The following DIP2A variants were observed in gnomAD, a reference collection of about 807,000 sequenced individuals.
DIP2A encodes disco-interacting protein 2 homolog A.
In DIP2A, 85 loss-of-function variants were observed where a neutral mutation model predicts 177.4. The observed-to-expected ratio is 0.48, with a 90% CI of 0.40 to 0.57. DIP2A has a LOEUF of 0.57. DIP2A is among the 20% of genes least tolerant of loss of function. The pLI, the probability that DIP2A is intolerant of heterozygous loss-of-function variation, is 0.00. For missense variants in DIP2A, 1,791 were observed against 2,100.2 expected, an observed-to-expected ratio of 0.85 and a Z score of 2.88; for synonymous variants, 886 against 881.8, an observed-to-expected ratio of 1.00 and a Z score of -0.08.
At position 46,498,529 on chromosome 21, in the gene DIP2A, C is replaced by A; in HGVS notation, c.404-53C>A. On this transcript the variant is annotated intron_variant, in intron 4 of 37. Transcript: ENST00000417564. The surrounding 1 kb of genome is among the most constrained non-coding windows in gnomAD (Gnocchi z 4.3). ...GCTCCAGTGTGAGTGGGAACTCCGT[C>A]CTCCTCTTGACTCATCCCGATATCA... The A allele has an allele frequency of 6.4e-7, 1 of 1,556,046 alleles. No homozygotes were observed. The highest frequency in any genetic ancestry group is 8.7e-7 in the Non-Finnish European group (1 of 1,149,846).
At chr21:46,490,829 AT>A in intron 3 of DIP2A, 110 bp downstream of exon 3, 1 of 1,350,952 alleles carries the variant, frequency 7.4e-7, no homozygotes, top group South Asian at 1.5e-5. Context: ...TGCCAAAGAA[AT>A]TATTTTCACA....
At chr21:46,528,639 G>A (rs2059227159) in intron 8 of DIP2A, among the ~76,000 whole-genome samples, 1 of 135,870 alleles carries the variant, frequency 7.4e-6, no homozygotes, top group African/African-American at 2.8e-5. Flanking sequence ...CAATTCTCAT[G>A]CTTCAGCCTC....
Position 46,537,248 on chromosome 21 carries a change from A to G in DIP2A, c.1667A>G (p.Asp556Gly), listed in dbSNP as rs1489806243. 6.2e-7 allele frequency: 1 copy of G among 1,614,026 alleles called. No homozygotes were observed. The highest frequency in any genetic ancestry group is 8.5e-7 in the Non-Finnish European group (1 of 1,179,906). The change falls in exon 14 of 38, where the codon GAT (aspartate) becomes GGT (glycine). Residue 556 changes from aspartate to glycine, a missense_variant. Transcript: ENST00000417564. This position sits in a 1 kb window ranked among gnomAD's most constrained non-coding sequence, Gnocchi z 4.1. ...SEAETLTNVL[D>G]FKRDAGLWHG... ...GCTGAAACATTAACAAACGTGCTGG[A>G]TTTCAAAAGGGATGCTGGTCTGTGG...
chr21:46,565,926 G>A (rs746706138), intron 36 of DIP2A, 39 bp downstream of exon 36: 12 of 1,608,640 alleles, frequency 7.5e-6, no homozygotes, highest in Middle Eastern at 1.9e-4. Flanking sequence ...AGTGCTGTGC[G>A]GGGAGGACCT....
chr21:46,519,748 C>CAAGTA (rs2058736196), intron 8 of DIP2A, among the ~76,000 whole-genome samples: 1 of 151,134 alleles, frequency 6.6e-6, no homozygotes. Context: ...AAAATTATCC[C>CAAGTA]AAGTAAATTA....
chr21:46,522,359 C>T (rs1407606056), intron 8 of DIP2A, among the ~76,000 whole-genome samples: 1 of 152,228 alleles, frequency 6.6e-6, no homozygotes, highest in East Asian at 1.9e-4. Context: ...AACTGGATTA[C>T]TGGCTTCAGG....
intron 16 of DIP2A, 173 bp downstream of exon 16, chr21:46,538,775 C>T: frequency 1.0e-6 from 1 of 996,528 alleles, no homozygotes; most frequent in Non-Finnish European, 1.4e-6. Context: ...TGGTTTATCC[C>T]ATGCATGTTT....
Position 46,532,153 on chromosome 21 carries a change from C to T in DIP2A, c.1221C>T (p.Asp407=). 1 of 1,613,872 alleles carries T rather than the reference C, an allele frequency of 6.2e-7. No individual in the cohort carries two copies. The highest frequency in any genetic ancestry group is 2.2e-5 in the East Asian group (1 of 44,884). Residue 407 remains aspartate, a synonymous_variant, in exon 10 of 38, where the codon GAC becomes GAT. Transcript: ENST00000417564. ...DRVALVFPNS[D]PVMFMVAFYG... is the part of the protein sequence containing the mutation. Reference sequence around the variant, plus strand: ...TGGCGCTCGTGTTTCCGAATAGTGACCCTGTGATGTTCATGGTTGCATTTT... The same window carrying T: ...TGGCGCTCGTGTTTCCGAATAGTGATCCTGTGATGTTCATGGTTGCATTTT...
intron 9 of DIP2A, among the ~76,000 whole-genome samples, chr21:46,531,011 G>A (rs962779082): frequency 4.6e-5 from 7 of 152,162 alleles, no homozygotes; most frequent in African/African-American, 7.2e-5. Context: ...ACTCAGAAAC[G>A]TTTGGCTCGC....
intron 1 of DIP2A, among the ~76,000 whole-genome samples, chr21:46,479,538 T>C (rs113886281): frequency 1.1e-4 from 16 of 152,254 alleles, no homozygotes; most frequent in African/African-American, 3.1e-4. Flanking sequence ...ATAATTTGCT[T>C]ATTTTTTTTT....
chr21:46,533,769 CG>C (rs1601713148), intron 11 of DIP2A, 122 bp downstream of exon 11: 1 of 1,438,854 alleles, frequency 6.9e-7, no homozygotes. Context: ...ATCCCTTGTT[CG>C]AGTCCTTGGT....
At chr21:46,523,607 C>G (rs536845710) in intron 8 of DIP2A, among the ~76,000 whole-genome samples, 1 of 111,054 alleles carries the variant, frequency 9.0e-6, no homozygotes, top group Non-Finnish European at 2.1e-5. Flanking sequence ...CCAGGCCTTA[C>G]GGCCAAAGGT....
chr21:46,496,949 CT>C (rs751978836), intron 3 of DIP2A, 38 bp from the exon 4 acceptor site: 156 of 1,561,920 alleles, frequency 1.0e-4, no homozygotes, highest in Non-Finnish European at 1.3e-4. Flanking sequence ...TATAAACAGT[CT>C]TGTAAAAAGT....
chr21:46,496,121 C>G (rs2057346127), intron 3 of DIP2A, among the ~76,000 whole-genome samples: 1 of 151,796 alleles, frequency 6.6e-6, no homozygotes, highest in South Asian at 2.1e-4. Context: ...GGTGCACAGG[C>G]TGGTCCTGGC....
At chr21:46,489,117 G>C (rs1238726527) in intron 2 of DIP2A, among the ~76,000 whole-genome samples, 3 of 152,180 alleles carry the variant, frequency 2.0e-5, no homozygotes, top group African/African-American at 2.4e-5. Context: ...GTGGGTGTGT[G>C]TGTGGATGTG....
chr21:46,521,622 G>A (rs1321496135), intron 8 of DIP2A, among the ~76,000 whole-genome samples: 2 of 152,152 alleles, frequency 1.3e-5, no homozygotes, highest in Non-Finnish European at 2.9e-5. Context: ...CAACCATAAG[G>A]TAAGATTCTC....
At chr21:46,565,176 T>C (rs2060795881) in intron 35 of DIP2A, among the ~76,000 whole-genome samples, 1 of 151,362 alleles carries the variant, frequency 6.6e-6, no homozygotes, top group Non-Finnish European at 1.5e-5. Context: ...TGTGTAGATA[T>C]GAGGGTGCAC....
chr21:46,563,740 A>G lies in DIP2A; in HGVS notation c.4090-118A>G. On this transcript the variant is annotated intron_variant, in intron 34 of 37. Transcript: ENST00000417564. This position sits in a 1 kb window ranked among gnomAD's most constrained non-coding sequence, Gnocchi z 4.3. ...AGCGGCCTCTAAACTTCCTGACCTG[A>G]CATGAGCACATCAGTCCTGCAGGCC... The G allele has an allele frequency of 6.8e-7, 1 of 1,463,554 alleles. No homozygotes were observed. Among genetic ancestry groups the G allele is most frequent in the Admixed American group, 2.5e-5 (1 of 39,626 alleles). 90.7% of individuals were successfully genotyped at this position (1,463,554 alleles called of 1,614,324 possible). A position where few individuals can be genotyped will look rare whatever the true frequency, so the allele number is the denominator to read the frequency against.
intron 1 of DIP2A, among the ~76,000 whole-genome samples, chr21:46,477,096 C>T (rs1010951542): frequency 9.2e-5 from 14 of 152,280 alleles, no homozygotes; most frequent in Middle Eastern, 3.4e-3. Context: ...TTTCTTGCCT[C>T]CTCCTGCTCT....
Sources: allele counts gnomAD v4.1 joint callset (sites outside exome capture counted in the v4.1 genomes callset), GRCh38; gene constraint gnomAD v4.1.1; non-coding constraint Gnocchi (gnomAD v3.1); transcripts MANE v1.5; gene names NCBI Gene and HGNC (gene_info 2026-07-23, HGNC 2026-07-21).